Variants in PACRG observed in about 807,000 individuals in gnomAD.
PACRG encodes the protein parkin coregulated.
In PACRG, 29 loss-of-function variants were observed where a neutral mutation model predicts 29.7. That is an observed-to-expected ratio of 0.98 (90% confidence interval 0.73 to 1.33). PACRG has a LOEUF of 1.33. Among genes scored for constraint, PACRG ranks in the 40% most tolerant of loss-of-function variants. The pLI is 0.00. For missense variants in PACRG, 279 were observed against 316.2 expected, an observed-to-expected ratio of 0.88 and a Z score of 0.89; for synonymous variants, 116 against 118.7, an observed-to-expected ratio of 0.98 and a Z score of 0.15.
At chr6:163,284,699 C>T (rs1033400836) in intron 4 of PACRG, among the ~76,000 whole-genome samples, 46 of 152,146 alleles carry the variant, frequency 3.0e-4, no homozygotes, top group African/African-American at 1.1e-3. Flanking sequence ...CCGCCCCCAA[C>T]CCCCGCTCCC....
At chr6:163,058,042 A>G (rs1396182704) in intron 2 of PACRG, among the ~76,000 whole-genome samples, 5 of 152,228 alleles carry the variant, frequency 3.3e-5, no homozygotes, top group Admixed American at 1.3e-4. Flanking sequence ...GCAAATAAAT[A>G]TATTGCTATC....
intron 4 of PACRG, among the ~76,000 whole-genome samples, chr6:163,247,812 C>G (rs1782750029): frequency 6.6e-6 from 1 of 152,174 alleles, no homozygotes. Flanking sequence ...CTATTTGTCT[C>G]TTTCCGTTAA....
At chr6:162,803,857 C>T (rs1786087094) in intron 1 of PACRG, among the ~76,000 whole-genome samples, 2 of 152,042 alleles carry the variant, frequency 1.3e-5, no homozygotes, top group South Asian at 4.1e-4. Flanking sequence ...AAATTTACCT[C>T]ATTATCTCAC....
At chr6:163,222,373 C>T (rs368614430) in intron 4 of PACRG, among the ~76,000 whole-genome samples, 168 of 152,068 alleles carry the variant, frequency 1.1e-3, no homozygotes, top group Non-Finnish European at 2.0e-3. Context: ...CGAGGTCAGG[C>T]GTTCGAAACC....
intron 2 of PACRG, among the ~76,000 whole-genome samples, chr6:162,895,429 T>C (rs1795097670): frequency 6.6e-6 from 1 of 152,216 alleles, no homozygotes; most frequent in African/African-American, 2.4e-5. Context: ...ATTCTGTGAA[T>C]TTCAAGGTTA....
intron 2 of PACRG, among the ~76,000 whole-genome samples, chr6:162,886,831 A>C (rs1794371234): frequency 6.6e-6 from 1 of 152,190 alleles, no homozygotes; most frequent in Admixed American, 6.5e-5. Context: ...AGATATCATT[A>C]ATTTTTTAAA....
At chr6:162,992,871 G>A (rs1286163781) in intron 2 of PACRG, among the ~76,000 whole-genome samples, 2 of 150,024 alleles carry the variant, frequency 1.3e-5, no homozygotes, top group Non-Finnish European at 3.0e-5. Flanking sequence ...TTCTCTTGTG[G>A]GCATTCAGTG....
chr6:162,808,562 A>G (rs149062868), intron 1 of PACRG, among the ~76,000 whole-genome samples: 113 of 152,330 alleles, frequency 7.4e-4, no homozygotes, highest in African/African-American at 2.7e-3. Flanking sequence ...TATGATGGAC[A>G]CTGTGATCTA....
intron 2 of PACRG, among the ~76,000 whole-genome samples, chr6:162,937,957 G>A (rs968556899): frequency 6.6e-6 from 1 of 151,924 alleles, no homozygotes; most frequent in African/African-American, 2.4e-5. Flanking sequence ...ACAAGAGTAA[G>A]TTCTTTAGTG....
rs367557208 is a variant in PACRG at position 163,017,578 on chromosome 6, C to T, written c.292-44572C>T. On this transcript the variant is annotated intron_variant, in intron 2 of 4. Transcript: ENST00000366888. ...TAAGGCATACTCTGGGTCCTTTTCA[C>T]GTGAGTATAAAAAGTGAATGCAGAG... Among the ~76,000 whole-genome samples, 49 of 151,982 alleles carry T rather than the reference C, an allele frequency of 3.2e-4. 1 individual carries two copies. The highest frequency in any genetic ancestry group is 8.5e-4 in the Admixed American group (13 of 15,274).
chr6:163,314,249 C>T (rs1252515389), intron 4 of PACRG, among the ~76,000 whole-genome samples: 1 of 152,170 alleles, frequency 6.6e-6, no homozygotes, highest in African/African-American at 2.4e-5. Context: ...AGTGATAGTT[C>T]GGGAGCAGCC....
At chr6:162,961,310 C>T (rs1380256163) in intron 2 of PACRG, among the ~76,000 whole-genome samples, 1 of 149,478 alleles carries the variant, frequency 6.7e-6, no homozygotes, top group Non-Finnish European at 1.5e-5. Context: ...TCCCCCAAAT[C>T]CTGATTGTCT....
At chr6:163,095,667 C>A (rs1030153527) in intron 4 of PACRG, among the ~76,000 whole-genome samples, 2 of 151,560 alleles carry the variant, frequency 1.3e-5, no homozygotes, top group African/African-American at 4.9e-5. Context: ...CCAGTCCCGC[C>A]CCATCTTCAT....
chr6:163,004,402 C>T (rs900621072), intron 2 of PACRG, among the ~76,000 whole-genome samples: 1 of 151,752 alleles, frequency 6.6e-6, no homozygotes, highest in Non-Finnish European at 1.5e-5. Context: ...GGGTTGGCCT[C>T]AGGAATCTTA....
At chr6:162,809,863 G>T (rs188456679) in intron 1 of PACRG, among the ~76,000 whole-genome samples, 628 of 152,248 alleles carry the variant, frequency 4.1e-3, no homozygotes, top group Non-Finnish European at 6.0e-3. Context: ...ATGGGGCTTT[G>T]GGACTTTCCT....
In PACRG at chr6:163,212,840, A is replaced by G. The variant is rs906680103; in HGVS notation, c.614-101987A>G. ...ATCGCCCAGGCTGGATTGCAGTGGC[A>G]CGATCTCGGCTCACTGCAAGCTATG... On this transcript the variant is annotated intron_variant, in intron 4 of 4. Transcript: ENST00000366888. Among the ~76,000 whole-genome samples, 16 of 151,070 alleles carry G rather than the reference A, an allele frequency of 1.1e-4. No individual in the cohort carries two copies. In the East Asian group the frequency reaches 2.5e-3, roughly 24 times the overall value.
intron 2 of PACRG, among the ~76,000 whole-genome samples, chr6:162,932,889 C>T (rs562630174): frequency 2.2e-3 from 329 of 151,766 alleles, no homozygotes; most frequent in Non-Finnish European, 3.4e-3. Flanking sequence ...TCTTTATAAA[C>T]GTTCTAAAAA....
At chr6:162,873,751 A>G (rs561206961) in intron 2 of PACRG, among the ~76,000 whole-genome samples, 1 of 152,180 alleles carries the variant, frequency 6.6e-6, no homozygotes, top group Non-Finnish European at 1.5e-5. Flanking sequence ...TTCGGCACCA[A>G]AACTTTCAGT....
At chr6:163,059,811 C>T (rs1810942853) in intron 2 of PACRG, among the ~76,000 whole-genome samples, 1 of 152,182 alleles carries the variant, frequency 6.6e-6, no homozygotes, top group Non-Finnish European at 1.5e-5. Context: ...CAGTGTCTGG[C>T]ATCACAAACA....
Sources: allele counts gnomAD v4.1 joint callset (sites outside exome capture counted in the v4.1 genomes callset), GRCh38; gene constraint gnomAD v4.1.1; transcripts MANE v1.5; gene names NCBI Gene and HGNC (gene_info 2026-07-23, HGNC 2026-07-21).